The following STK32B variants were observed in gnomAD, a reference collection of about 807,000 sequenced individuals.
STK32B encodes the protein serine/threonine kinase 32B, also known as serine/threonine-protein kinase 32B.
In STK32B, 43 loss-of-function variants were observed where a neutral mutation model predicts 52.6. That is an observed-to-expected ratio of 0.82 (90% CI 0.64 to 1.05). The LOEUF is 1.05. STK32B is among the 50% of genes least tolerant of loss of function. The pLI, the probability that STK32B is intolerant of heterozygous loss-of-function variation, is 0.00. For synonymous variants in STK32B, 238 were observed against 204.3 expected, an observed-to-expected ratio of 1.17 and a Z score of -1.41; for missense variants, 621 against 534.6, an observed-to-expected ratio of 1.16 and a Z score of -1.59.
At position 5,335,426 on chromosome 4, in the gene STK32B, C is replaced by T. The variant is rs1336455173; in HGVS notation, c.434+4033C>T. Among the ~76,000 whole-genome samples the T allele has an allele frequency of 5.3e-5, 8 of 152,196 alleles. No individual in the cohort carries two copies. The South Asian group carries it at 1.0e-3, about 20-fold the overall frequency. On this transcript the variant is annotated intron_variant, in intron 4 of 11. Transcript: ENST00000282908. ...AGTTTTGTTGATCCTTTCAAAAAAA[C>T]CAGCTCCTGGATTCATTAATTTTTT...
intron 4 of STK32B, among the ~76,000 whole-genome samples, chr4:5,347,074 T>G (rs1733518926): frequency 6.6e-6 from 1 of 152,110 alleles, no homozygotes; most frequent in East Asian, 1.9e-4. Flanking sequence ...CCTATACATG[T>G]GGGGATTATG....
intron 1 of STK32B, among the ~76,000 whole-genome samples, chr4:5,123,731 A>T (rs1045674378): frequency 1.3e-5 from 2 of 152,016 alleles, no homozygotes; most frequent in African/African-American, 4.8e-5. Context: ...ATTTAACCTT[A>T]ATTACCTCCT....
At chr4:5,302,213 A>AAAAG (rs1729608037) in intron 3 of STK32B, among the ~76,000 whole-genome samples, 1 of 141,602 alleles carries the variant, frequency 7.1e-6, no homozygotes, top group African/African-American at 3.0e-5. Flanking sequence ...AAATTGTAAA[A>AAAAG]AAAAAAATCA....
chr4:5,151,898 C>T (rs572856743), intron 2 of STK32B, among the ~76,000 whole-genome samples: 23 of 152,288 alleles, frequency 1.5e-4, no homozygotes, highest in African/African-American at 5.1e-4. Context: ...ATTCCTTCCC[C>T]TTGGAGAACA....
chr4:5,325,560 T>C (rs1353889074), intron 3 of STK32B, among the ~76,000 whole-genome samples: 1 of 152,226 alleles, frequency 6.6e-6, no homozygotes, highest in Non-Finnish European at 1.5e-5. Flanking sequence ...TATATACATT[T>C]CACAAGTCAC....
intron 8 of STK32B, among the ~76,000 whole-genome samples, chr4:5,459,611 TAGAAG>T (rs1282619078): frequency 1.3e-5 from 2 of 152,150 alleles, no homozygotes; most frequent in African/African-American, 4.8e-5. Context: ...GAAACTCAAT[TAGAAG>T]AGAAGCTAAA....
At chr4:5,489,712 C>T (rs745436425) in intron 11 of STK32B, among the ~76,000 whole-genome samples, 13 of 151,958 alleles carry the variant, frequency 8.6e-5, no homozygotes, top group Non-Finnish European at 1.3e-4. Flanking sequence ...CCTCCGCCTC[C>T]CAGGTTCAAG....
intron 3 of STK32B, among the ~76,000 whole-genome samples, chr4:5,314,945 A>G (rs1361822859): frequency 1.3e-5 from 2 of 152,202 alleles, no homozygotes; most frequent in Non-Finnish European, 2.9e-5. Context: ...CACCAAAAGC[A>G]TGTATCATAA....
rs185336308 is a variant in STK32B, at chr4:5,278,291, A to G, written c.261-52929A>G. 7.2e-5 allele frequency among the ~76,000 whole-genome samples: 11 copies of G among 152,322 alleles called. No homozygotes were observed. In the East Asian group the frequency reaches 1.9e-3, roughly 27 times the overall value. On this transcript the variant is annotated intron_variant, in intron 3 of 11. Coordinates refer to ENST00000282908, the MANE Select transcript of STK32B (RefSeq NM_018401.3). Reference sequence around the variant, plus strand: ...CCAGGAAGGAAGGAGGCTTCTGAAAACCAGAGCATTAAGGGTCTGAGCCAA... The same window carrying G: ...CCAGGAAGGAAGGAGGCTTCTGAAAGCCAGAGCATTAAGGGTCTGAGCCAA...
At chr4:5,330,071 G>A (rs1380434682) in intron 3 of STK32B, among the ~76,000 whole-genome samples, 1 of 152,168 alleles carries the variant, frequency 6.6e-6, no homozygotes, top group East Asian at 1.9e-4. Context: ...GTGAGAGTCA[G>A]GGGATTTGGG....
intron 1 of STK32B, among the ~76,000 whole-genome samples, chr4:5,061,421 A>G (rs1026728979): frequency 2.2e-4 from 34 of 152,168 alleles, no homozygotes; most frequent in Admixed American, 1.8e-3. Flanking sequence ...TTTGGAAGGT[A>G]TGTTTGATAA....
chr4:5,323,235 C>A (rs1731638535), intron 3 of STK32B, among the ~76,000 whole-genome samples: 1 of 152,098 alleles, frequency 6.6e-6, no homozygotes. Flanking sequence ...CGGCTTGCTA[C>A]CTCTTGAGTT....
chr4:5,388,617 G>A (rs1351742503), intron 4 of STK32B, among the ~76,000 whole-genome samples: 2 of 152,178 alleles, frequency 1.3e-5, no homozygotes, highest in East Asian at 3.8e-4. Flanking sequence ...GTCTGGTGAA[G>A]CAGGCTGACT....
intron 2 of STK32B, among the ~76,000 whole-genome samples, chr4:5,145,128 T>C (rs555582424): frequency 1.3e-5 from 2 of 152,306 alleles, no homozygotes; most frequent in East Asian, 1.9e-4. Flanking sequence ...ATTATTTTAG[T>C]ATGAAAACAT....
intron 4 of STK32B, among the ~76,000 whole-genome samples, chr4:5,348,435 A>G (rs1312504769): frequency 7.9e-5 from 12 of 152,114 alleles, no homozygotes; most frequent in Non-Finnish European, 1.2e-4. Flanking sequence ...CTGGAATCCC[A>G]TGGACATTCC....
chr4:5,189,171 G>T (rs1482633562), intron 3 of STK32B, among the ~76,000 whole-genome samples: 4 of 152,070 alleles, frequency 2.6e-5, no homozygotes, highest in African/African-American at 9.7e-5. Context: ...TATCACCCAG[G>T]ATCCATGGTA....
chr4:5,438,729 T>G (rs1714382773), intron 6 of STK32B, among the ~76,000 whole-genome samples: 1 of 152,216 alleles, frequency 6.6e-6, no homozygotes, highest in East Asian at 1.9e-4. Context: ...ATTGGGTATA[T>G]CTCCCGATGC....
At chr4:5,348,845 G>T (rs370995166) in intron 4 of STK32B, among the ~76,000 whole-genome samples, 58 of 152,258 alleles carry the variant, frequency 3.8e-4, no homozygotes, top group African/African-American at 1.3e-3. Flanking sequence ...CAAGGGACCT[G>T]GGGGAATCAT....
rs144017429 is a variant in STK32B at position 5,428,996 on chromosome 4, C to G, written c.562+12062C>G. 4.0e-3 allele frequency among the ~76,000 whole-genome samples: 608 copies of G among 152,184 alleles called. 2 individuals carry two copies. The highest frequency in any genetic ancestry group is 0.014 in the African/African-American group (571 of 41,520). Reference sequence around the variant, plus strand: ...GTTCTCTGGTAAAGAATAAACAAATCCCCCTAATTTATAGATTTTGATTTC... The same window carrying G: ...GTTCTCTGGTAAAGAATAAACAAATGCCCCTAATTTATAGATTTTGATTTC... On this transcript the variant is annotated intron_variant, in intron 6 of 11. Coordinates refer to ENST00000282908, the MANE Select transcript of STK32B (RefSeq NM_018401.3).
Sources: gnomAD v4.1 joint callset for allele counts (sites outside exome capture counted in the v4.1 genomes callset) on GRCh38, gnomAD v4.1.1 for gene constraint, MANE v1.5 for transcripts, NCBI Gene and HGNC (gene_info 2026-07-23, HGNC 2026-07-21) for gene names.